The following SKOR2 variants were observed in gnomAD, a reference collection of about 807,000 sequenced individuals.
The protein encoded by SKOR2 is LBX1 corepressor 1-like protein.
In SKOR2, 47 loss-of-function variants were observed where a neutral mutation model predicts 69.1. That is an observed-to-expected ratio of 0.68 (90% confidence interval 0.54 to 0.87). The LOEUF is 0.87. Ranked by LOEUF, SKOR2 falls within the 40% of genes least tolerant of loss-of-function variation. SKOR2 has a pLI of 0.00. For missense variants in SKOR2, 1,404 were observed against 1,472.2 expected (o/e 0.95, Z 0.76); for synonymous variants, 717 against 672.6 (o/e 1.07, Z -1.02).
At chr18:47,235,096 G>A (rs1160728598) in intron 4 of SKOR2, among the ~76,000 whole-genome samples, 2 of 152,120 alleles carry the variant, frequency 1.3e-5, no homozygotes, top group Non-Finnish European at 2.9e-5. Context: ...CCAGTGCCAT[G>A]GCTCACACCT....
At chr18:47,232,750 C>A (rs1037330846) in intron 4 of SKOR2, among the ~76,000 whole-genome samples, 4 of 152,316 alleles carry the variant, frequency 2.6e-5, no homozygotes, top group African/African-American at 9.6e-5. Flanking sequence ...CTGAAAAGGA[C>A]CCCAGGAGGT....
At chr18:47,226,868 G>A (rs1461768023) in intron 6 of SKOR2, among the ~76,000 whole-genome samples, 1 of 152,116 alleles carries the variant, frequency 6.6e-6, no homozygotes, top group Non-Finnish European at 1.5e-5. Context: ...AAGAGATCAG[G>A]GAATTTTCCT....
intron 6 of SKOR2, among the ~76,000 whole-genome samples, chr18:47,224,741 A>G (rs1449560581): frequency 6.6e-6 from 1 of 151,530 alleles, no homozygotes; most frequent in Admixed American, 6.6e-5. Context: ...CTGCCTCCTT[A>G]GTAGCTGGGA....
chr18:47,246,859 G>T lies in SKOR2; in HGVS notation c.2325C>A (p.Val775=). The change falls in exon 2 of 9, where the codon GTC becomes GTA. Residue 775 remains valine (V), a synonymous_variant. Transcript: ENST00000425639. Reference sequence around the variant, plus strand: ...CCCCGACTAAGGGGTCGCCGAGTAGGACCTCCGTCTCCTCGTCCTCTTCCT... The same window carrying T: ...CCCCGACTAAGGGGTCGCCGAGTAGTACCTCCGTCTCCTCGTCCTCTTCCT... ...DDEEEDEETE[V]LLGDPLVGGG... is the part of the protein sequence containing the mutation. 6.7e-7 allele frequency: 1 copy of T among 1,490,600 alleles called. No homozygotes were observed. Among genetic ancestry groups the T allele is most frequent in the Non-Finnish European group, 8.9e-7 (1 of 1,126,236 alleles). The allele number at this position is 1,490,600 out of a possible 1,614,324, so 92.3% of individuals were successfully genotyped here.
chr18:47,224,674 G>T (rs1294555809), intron 6 of SKOR2, among the ~76,000 whole-genome samples: 3 of 151,738 alleles, frequency 2.0e-5, no homozygotes, highest in Non-Finnish European at 4.4e-5. Context: ...GAGTGCACTG[G>T]TGTGACCAGA....
intron 7 of SKOR2, among the ~76,000 whole-genome samples, chr18:47,215,177 C>A (rs561395421): frequency 6.6e-6 from 1 of 152,196 alleles, no homozygotes; most frequent in East Asian, 1.9e-4. Context: ...CACACAGTAG[C>A]CAAAGTCTGT....
chr18:47,245,598 C>G (rs72914803), intron 2 of SKOR2, 37 bp from the exon 3 acceptor site: 25,224 of 1,464,926 alleles, frequency 0.017, 280 homozygotes, highest in Non-Finnish European at 0.02. Context: ...AATCAATGCC[C>G]GGATCAAACC....
chr18:47,213,817 AC>A (rs1452740453), intron 7 of SKOR2, among the ~76,000 whole-genome samples: 1 of 152,126 alleles, frequency 6.6e-6, no homozygotes, highest in Non-Finnish European at 1.5e-5. Context: ...TTACACAGGG[AC>A]CTACTCCAGT....
intron 4 of SKOR2, among the ~76,000 whole-genome samples, chr18:47,239,197 A>C (rs2064238097): frequency 6.6e-6 from 1 of 152,238 alleles, no homozygotes; most frequent in Non-Finnish European, 1.5e-5. Context: ...GCATTAAGTC[A>C]TTAAAAAATC....
intron 4 of SKOR2, among the ~76,000 whole-genome samples, chr18:47,242,246 A>C (rs910888171): frequency 1.3e-5 from 2 of 152,190 alleles, no homozygotes; most frequent in African/African-American, 4.8e-5. Context: ...AGAGAAATTC[A>C]GTTTTTAACA....
chr18:47,247,521 C>A lies in SKOR2; in HGVS notation c.1663G>T (p.Asp555Tyr). Reference sequence around the variant, plus strand: ...CCCGGGGGCGACTCGAAGAGCGCGTCGCGAGAGCCGGCGCCCCCGGCAGGA... The same window carrying A: ...CCCGGGGGCGACTCGAAGAGCGCGTAGCGAGAGCCGGCGCCCCCGGCAGGA... ...PPPAGGAGSR[D>Y]ALFESPPGGS... The change falls in exon 2 of 9, where the codon GAC becomes TAC. Residue 555 changes from aspartate to tyrosine, a missense_variant. By Grantham distance (160) the Asp-to-Tyr change is radical. Around this residue, in one of 3 missense-constraint regions of SKOR2, gnomAD observed 1,266 missense variants for 1,309.9 expected, o/e 0.97. Coordinates refer to ENST00000425639, the MANE Select transcript of SKOR2 (RefSeq NM_001278063.4). This position sits in a 1 kb window ranked among gnomAD's most constrained non-coding sequence, Gnocchi z 6.6. 8.2e-7 allele frequency: 1 copy of A among 1,212,846 alleles called. No homozygotes were observed. The highest frequency in any genetic ancestry group is 1.0e-6 in the Non-Finnish European group (1 of 976,792). 75.1% of individuals were successfully genotyped at this position (1,212,846 alleles called of 1,614,324 possible). A position where few individuals can be genotyped will look rare whatever the true frequency, so the allele number is the denominator to read the frequency against.
chr18:47,217,996 G>T (rs1426856115), intron 7 of SKOR2, among the ~76,000 whole-genome samples: 1 of 152,108 alleles, frequency 6.6e-6, no homozygotes, highest in African/African-American at 2.4e-5. Flanking sequence ...ATAATAAAAT[G>T]ATTTGGTAAT....
chr18:47,217,156 G>T (rs529701606), intron 7 of SKOR2, among the ~76,000 whole-genome samples: 1 of 152,284 alleles, frequency 6.6e-6, no homozygotes, highest in South Asian at 2.1e-4. Flanking sequence ...ATATCTAGCC[G>T]GATGGGCATG....
At chr18:47,221,195 A>G (rs1483229733) in intron 6 of SKOR2, among the ~76,000 whole-genome samples, 1 of 152,118 alleles carries the variant, frequency 6.6e-6, no homozygotes, top group African/African-American at 2.4e-5. Flanking sequence ...ATACTATTTG[A>G]ATTTCTTATC....
intron 4 of SKOR2, among the ~76,000 whole-genome samples, chr18:47,233,920 A>AAGC (rs2064210042): frequency 6.6e-6 from 1 of 152,240 alleles, no homozygotes; most frequent in Non-Finnish European, 1.5e-5. Flanking sequence ...TGTTAATAAA[A>AAGC]AGCTTGTCTT....
chr18:47,219,928 A>G lies in SKOR2; in HGVS notation c.2985+15T>C, dbSNP rs1314867949. On this transcript the variant is annotated intron_variant, in intron 7 of 8. Transcript: ENST00000425639. ...AATTAAGTTGCATTTATTTTTAAGTAGAAATGCAGCTTACAATTTGTAACT... is the reference window on the plus strand; with the variant it reads ...AATTAAGTTGCATTTATTTTTAAGTGGAAATGCAGCTTACAATTTGTAACT... 2 of 1,534,020 alleles carry G rather than the reference A, an allele frequency of 1.3e-6. No homozygotes were observed. The highest frequency in any genetic ancestry group is 3.9e-5 in the Admixed American group (2 of 50,938).
Position 47,247,163 on chromosome 18 carries a change from G to C in SKOR2, c.2021C>G (p.Ser674Trp). 1 of 1,277,036 alleles carries C rather than the reference G, an allele frequency of 7.8e-7. No individual in the cohort carries two copies. The highest frequency in any genetic ancestry group is 9.9e-7 in the Non-Finnish European group (1 of 1,014,046). 79.1% of individuals were successfully genotyped at this position (1,277,036 alleles called of 1,614,324 possible). A position where few individuals can be genotyped will look rare whatever the true frequency, so the allele number is the denominator to read the frequency against. Residue 674 changes from serine to tryptophan, a missense_variant, in exon 2 of 9, where the codon TCG becomes TGG. Ser to Trp is a radical substitution (Grantham distance 177, BLOSUM62 -3). This residue lies in a region of SKOR2 where 1,266 missense variants were observed against 1,309.9 expected (regional missense o/e 0.97). Coordinates refer to ENST00000425639, the MANE Select transcript of SKOR2 (RefSeq NM_001278063.4). This position sits in a 1 kb window ranked among gnomAD's most constrained non-coding sequence, Gnocchi z 6.6. ...CTGCGGGGGCAGCAGCAGAAGCGGC[G>C]ACGGCGGCTGCGGGGGGTGGTGGTG... is the stretch of plus-strand genomic sequence containing the variant. ...HHHHHPPQPP[S>W]PLLLLPPQPD...
chr18:47,237,689 TTTTC>T (rs1481327700), intron 4 of SKOR2, among the ~76,000 whole-genome samples: 1 of 140,926 alleles, frequency 7.1e-6, no homozygotes, highest in Non-Finnish European at 1.5e-5. Flanking sequence ...CACCATTTTC[TTTTC>T]TTTTTCTTTT....
intron 7 of SKOR2, among the ~76,000 whole-genome samples, chr18:47,219,069 C>G (rs1420478584): frequency 6.6e-6 from 1 of 152,180 alleles, no homozygotes; most frequent in Non-Finnish European, 1.5e-5. Context: ...ACAAGACAGG[C>G]ACATATGCAT....
Sources: allele counts gnomAD v4.1 joint callset (sites outside exome capture counted in the v4.1 genomes callset), GRCh38; gene constraint gnomAD v4.1.1; regional missense constraint gnomAD v4.1.1; non-coding constraint Gnocchi (gnomAD v3.1); transcripts MANE v1.5; gene names NCBI Gene and HGNC (gene_info 2026-07-23, HGNC 2026-07-21).